Variants in RABEP1 observed in about 807,000 individuals in gnomAD.
The protein encoded by RABEP1 is rab GTPase-binding effector protein 1.
In RABEP1, 51 loss-of-function variants were observed where a neutral mutation model predicts 123.4. The observed-to-expected ratio is 0.41, with a 90% CI of 0.33 to 0.52. The LOEUF is 0.52. RABEP1 is among the 20% of genes least tolerant of loss of function. The probability of loss-of-function intolerance (pLI) is 0.16; values close to 1 mark genes in which losing one functional copy is unlikely to be tolerated. For synonymous variants in RABEP1, 347 were observed against 355.2 expected, an observed-to-expected ratio of 0.98 and a Z score of 0.26; for missense variants, 888 against 996.3, an observed-to-expected ratio of 0.89 and a Z score of 1.46.
At chr17:5,293,915 G>A (rs940705752) in intron 1 of RABEP1, among the ~76,000 whole-genome samples, 1 of 152,078 alleles carries the variant, frequency 6.6e-6, no homozygotes, top group Non-Finnish European at 1.5e-5. Context: ...TATGTGAGCT[G>A]TTTGTCAAGT....
chr17:5,357,726 GCCCC>G, intron 8 of RABEP1, among the ~76,000 whole-genome samples: 1 of 152,176 alleles, frequency 6.6e-6, no homozygotes, highest in South Asian at 2.1e-4. Flanking sequence ...GGAGTTCAAT[GCCCC>G]TGAAAAAAGT....
chr17:5,359,366 G>GC (rs1162490035), intron 8 of RABEP1, among the ~76,000 whole-genome samples: 3 of 152,072 alleles, frequency 2.0e-5, no homozygotes, highest in African/African-American at 7.2e-5. Flanking sequence ...GAGCCACTGC[G>GC]CCCAGCCAGT....
intron 1 of RABEP1, among the ~76,000 whole-genome samples, chr17:5,299,372 G>T (rs2075111829): frequency 2.0e-5 from 3 of 149,286 alleles, no homozygotes; most frequent in African/African-American, 4.9e-5. Flanking sequence ...TACTAGGTGT[G>T]TAGCAGGTTT....
rs1284277055 is a variant in RABEP1 at position 5,383,995 on chromosome 17, C to T, written c.*772C>T. ...GGCCCACAGGGTACCAGGATAAAGC[C>T]GAACTGGTACCATCTACTCTTTTGA... On this transcript the variant is annotated 3_prime_UTR_variant, in exon 18 of 18. Transcript: ENST00000537505. 2 of 219,372 alleles carry T rather than the reference C, an allele frequency of 9.1e-6. No individual in the cohort carries two copies. The highest frequency in any genetic ancestry group is 9.2e-6 in the Non-Finnish European group (1 of 109,200). 13.6% of individuals were successfully genotyped at this position (219,372 alleles called of 1,614,324 possible).
Position 5,365,229 on chromosome 17 carries a change from G to C in RABEP1, c.1776G>C (p.Ser592=), listed in dbSNP as rs779418271. The part of the protein sequence containing the change: ...EDFIKQSSED[S]SHQISALVLR... Reference sequence around the variant, plus strand: ...TCATAAAGCAAAGCAGCGAAGATTCGAGTCACCAGGTAAGGGAGGGTTTAT... The same window carrying C: ...TCATAAAGCAAAGCAGCGAAGATTCCAGTCACCAGGTAAGGGAGGGTTTAT... The change falls in exon 11 of 18, where the codon TCG becomes TCC. Residue 592 remains serine, a synonymous_variant. Coordinates refer to ENST00000537505, the MANE Select transcript of RABEP1 (RefSeq NM_004703.6). 1.2e-6 allele frequency: 2 copies of C among 1,605,116 alleles called. No homozygotes were observed. Among genetic ancestry groups the C allele is most frequent in the South Asian group, 2.2e-5 (2 of 89,762 alleles).
rs570754892 is a variant in RABEP1 at position 5,330,885 on chromosome 17, G to T, written c.164-1064G>T. On this transcript the variant is annotated intron_variant, in intron 2 of 17. Transcript: ENST00000537505. Reference sequence around the variant, plus strand: ...AAGAAATTTCAAAAATTAGCCGGGCGTGATGGTGCATGCCTGCAGTCCTAG... The same window carrying T: ...AAGAAATTTCAAAAATTAGCCGGGCTTGATGGTGCATGCCTGCAGTCCTAG... Among the ~76,000 whole-genome samples the T allele has an allele frequency of 2.0e-3, 301 of 152,074 alleles. 3 individuals are homozygous for T. Among genetic ancestry groups the T allele is most frequent in the Non-Finnish European group, 4.7e-4 (32 of 67,982 alleles).
At chr17:5,338,300 G>A (rs1193600263) in intron 5 of RABEP1, 162 bp downstream of exon 5, 8 of 868,200 alleles carry the variant, frequency 9.2e-6, no homozygotes, top group South Asian at 4.1e-5. Context: ...GGTGGCTCAC[G>A]CCTGTAATCC....
Position 5,354,293 on chromosome 17 carries a change from T to TA in RABEP1, c.964-63dup, listed in dbSNP as rs1206576119. 2.8e-6 allele frequency: 4 copies of TA among 1,428,884 alleles called. No homozygotes were observed. In the African/African-American group the frequency reaches 5.7e-5, roughly 20 times the overall value. The allele number at this position is 1,428,884 out of a possible 1,614,324, so 88.5% of individuals were successfully genotyped here. ...CTGTTCTTTATTTGTTTTGAATGGT[T>TA]AAAGAACTGTGTCACTTATTAAGTA... On this transcript the variant is annotated intron_variant, in intron 7 of 17. Coordinates refer to ENST00000537505, the MANE Select transcript of RABEP1 (RefSeq NM_004703.6).
intron 12 of RABEP1, among the ~76,000 whole-genome samples, chr17:5,373,107 C>T (rs1910652893): frequency 1.3e-5 from 2 of 152,314 alleles, no homozygotes; most frequent in Admixed American, 6.5e-5. Context: ...GAATGAGCCT[C>T]AGATACTTGC....
intron 2 of RABEP1, among the ~76,000 whole-genome samples, chr17:5,322,307 A>G (rs753071718): frequency 4.6e-5 from 7 of 152,074 alleles, no homozygotes; most frequent in Non-Finnish European, 7.4e-5. Flanking sequence ...GCAGTGAGCT[A>G]TGATTGTGCC....
intron 2 of RABEP1, among the ~76,000 whole-genome samples, chr17:5,325,075 G>A (rs1486463822): frequency 6.6e-6 from 1 of 152,130 alleles, no homozygotes; most frequent in African/African-American, 2.4e-5. Context: ...CACTTTGGGA[G>A]GCCAAGGCAG....
chr17:5,302,355 C>T (rs1352230204), intron 1 of RABEP1, among the ~76,000 whole-genome samples: 1 of 148,894 alleles, frequency 6.7e-6, no homozygotes, highest in South Asian at 2.1e-4. Flanking sequence ...ATTCTCAAGC[C>T]TCAGCCTCCC....
At chr17:5,286,223 T>C (rs2074976006) in intron 1 of RABEP1, among the ~76,000 whole-genome samples, 1 of 152,166 alleles carries the variant, frequency 6.6e-6, no homozygotes, top group South Asian at 2.1e-4. Flanking sequence ...TGGCCGGGCA[T>C]GGTGGCTCAT....
In RABEP1 at chr17:5,385,270, G is replaced by A; in HGVS notation, c.*2047G>A. 4.3e-6 allele frequency: 1 copy of A among 230,718 alleles called. No homozygotes were observed. Among genetic ancestry groups the A allele is most frequent in the Non-Finnish European group, 8.6e-6 (1 of 116,532 alleles). 14.3% of individuals were successfully genotyped at this position (230,718 alleles called of 1,614,324 possible). ...TTTCAACTGGGTTTTCAGCATAAATGGGAACTGATGTAGAAGGCAGGATTT... is the reference window on the plus strand; with the variant it reads ...TTTCAACTGGGTTTTCAGCATAAATAGGAACTGATGTAGAAGGCAGGATTT... On this transcript the variant is annotated 3_prime_UTR_variant, in exon 18 of 18. Transcript: ENST00000537505.
At chr17:5,352,999 A>G (rs533088121) in intron 7 of RABEP1, among the ~76,000 whole-genome samples, 5 of 152,328 alleles carry the variant, frequency 3.3e-5, no homozygotes, top group East Asian at 1.9e-4. Flanking sequence ...AGGGACTACA[A>G]TTATACGGTT....
At chr17:5,328,055 C>T (rs1906150487) in intron 2 of RABEP1, among the ~76,000 whole-genome samples, 1 of 152,156 alleles carries the variant, frequency 6.6e-6, no homozygotes. Flanking sequence ...TAGTTATCAA[C>T]AGTCAACAAT....
intron 1 of RABEP1, among the ~76,000 whole-genome samples, chr17:5,302,537 G>A (rs940326907): frequency 6.6e-6 from 1 of 151,120 alleles, no homozygotes; most frequent in Non-Finnish European, 1.5e-5. Context: ...CACCACACCC[G>A]GCCAGCTTAC....
chr17:5,347,539 A>G (rs1389717842), intron 6 of RABEP1, among the ~76,000 whole-genome samples: 1 of 152,170 alleles, frequency 6.6e-6, no homozygotes, highest in African/African-American at 2.4e-5. Flanking sequence ...ACTCATTTTG[A>G]TGGAGGTGTA....
chr17:5,310,301 C>CTTTTTTTTTT lies in RABEP1; in HGVS notation c.163+1488_163+1497dup, dbSNP rs11432831. On this transcript the variant is annotated intron_variant, in intron 2 of 17. Coordinates refer to ENST00000537505, the MANE Select transcript of RABEP1 (RefSeq NM_004703.6). ...TTACAATTTAAATGAAAGCTTCGTCCTTTTTTTTTTTTTTTTTTGAGATGG... is the reference window on the plus strand; with the variant it reads ...TTACAATTTAAATGAAAGCTTCGTCCTTTTTTTTTTTTTTTTTTTTTTTTTTTTGAGATGG... Among the ~76,000 whole-genome samples the CTTTTTTTTTT allele has an allele frequency of 3.5e-3, 441 of 126,262 alleles. 37 individuals carry two copies. Among genetic ancestry groups the CTTTTTTTTTT allele is most frequent in the East Asian group, 4.0e-3 (16 of 3,980 alleles). 82.8% of individuals were successfully genotyped at this position (126,262 alleles called of 152,430 possible).
Sources: allele counts gnomAD v4.1 joint callset (sites outside exome capture counted in the v4.1 genomes callset), GRCh38; gene constraint gnomAD v4.1.1; transcripts MANE v1.5; gene names NCBI Gene and HGNC (gene_info 2026-07-23, HGNC 2026-07-21).